Variants in WWOX observed in about 807,000 individuals in gnomAD.
The protein encoded by WWOX is WW domain-containing oxidoreductase.
In WWOX, 69 loss-of-function variants were observed where a neutral mutation model predicts 46.2. That is an observed-to-expected ratio of 1.49 (90% CI 1.23 to 1.82). The LOEUF (loss-of-function observed/expected upper bound fraction) is 1.82. Among genes scored for constraint, WWOX ranks in the 40% most tolerant of loss-of-function variants. The probability of loss-of-function intolerance (pLI) is 0.00; values close to 1 mark genes in which losing one functional copy is unlikely to be tolerated. For missense variants in WWOX, 919 were observed against 542.6 expected, an observed-to-expected ratio of 1.69 and a Z score of -6.89; for synonymous variants, 359 against 202.6, an observed-to-expected ratio of 1.77 and a Z score of -6.56.
rs147139039 is a variant in WWOX at position 78,299,274 on chromosome 16, G to T, written c.517-87586G>T. Among the ~76,000 whole-genome samples, 417 of 152,216 alleles carry T rather than the reference G, an allele frequency of 2.7e-3. 5 individuals are homozygous for T. Among genetic ancestry groups the T allele is most frequent in the African/African-American group, 9.3e-3 (386 of 41,530 alleles). On this transcript the variant is annotated intron_variant, in intron 5 of 8. Transcript: ENST00000566780. Reference sequence around the variant, plus strand: ...GGCACCTTTTTATTCTCTAATCTCAGGAGTGAGTGCTTCCTCCTGCCGTGC... The same window carrying T: ...GGCACCTTTTTATTCTCTAATCTCATGAGTGAGTGCTTCCTCCTGCCGTGC...
chr16:78,995,149 C>G (rs1018131446), intron 8 of WWOX, among the ~76,000 whole-genome samples: 1 of 151,948 alleles, frequency 6.6e-6, no homozygotes. Flanking sequence ...TGTGACTTAG[C>G]TGGCTGGGAA....
chr16:78,969,471 G>A (rs972470669), intron 8 of WWOX, among the ~76,000 whole-genome samples: 17 of 151,916 alleles, frequency 1.1e-4, no homozygotes, highest in African/African-American at 2.2e-4. Context: ...GGGTTTCACC[G>A]TGTTGGCCAG....
chr16:78,714,984 G>A (rs530529847), intron 8 of WWOX, among the ~76,000 whole-genome samples: 9 of 152,212 alleles, frequency 5.9e-5, no homozygotes, highest in African/African-American at 1.7e-4. Flanking sequence ...ATAACTGCTC[G>A]GTAGAGAATG....
chr16:78,254,958 G>A (rs2038088408), intron 5 of WWOX, among the ~76,000 whole-genome samples: 1 of 152,178 alleles, frequency 6.6e-6, no homozygotes, highest in African/African-American at 2.4e-5. Flanking sequence ...CTGGTATGGA[G>A]GGCTGGGAGG....
intron 8 of WWOX, among the ~76,000 whole-genome samples, chr16:78,441,984 G>T (rs1031946349): frequency 1.3e-5 from 2 of 151,446 alleles, no homozygotes; most frequent in Admixed American, 1.3e-4. Context: ...GTGTGTGTGT[G>T]TGTGTGGCTG....
chr16:78,758,021 G>A (rs949600653), intron 8 of WWOX, among the ~76,000 whole-genome samples: 1 of 151,984 alleles, frequency 6.6e-6, no homozygotes, highest in African/African-American at 2.4e-5. Flanking sequence ...TCAAACTTCT[G>A]TCAATCTTTC....
At chr16:78,395,946 G>T (rs1371220414) in intron 6 of WWOX, among the ~76,000 whole-genome samples, 3 of 152,092 alleles carry the variant, frequency 2.0e-5, no homozygotes. Flanking sequence ...TGCCATAAAA[G>T]CAGCCTGCTC....
chr16:78,270,427 CT>C (rs1416520877), intron 5 of WWOX: 1 of 152,278 alleles, frequency 6.6e-6, no homozygotes, highest in East Asian at 1.9e-4. Context: ...GGCAGATTTG[CT>C]TGATAAAGGT....
intron 8 of WWOX, among the ~76,000 whole-genome samples, chr16:78,572,981 C>T (rs1240855459): frequency 6.6e-6 from 1 of 152,070 alleles, no homozygotes; most frequent in Admixed American, 6.5e-5. Context: ...AATCTGCTTC[C>T]TGTAGTAAAA....
At chr16:78,337,355 G>T (rs1055963120) in intron 5 of WWOX, among the ~76,000 whole-genome samples, 9 of 152,130 alleles carry the variant, frequency 5.9e-5, no homozygotes, top group Admixed American at 5.2e-4. Flanking sequence ...CCCACCGATC[G>T]CAATTGAGCA....
chr16:78,615,077 G>C (rs2045988942), intron 8 of WWOX, among the ~76,000 whole-genome samples: 1 of 152,062 alleles, frequency 6.6e-6, no homozygotes, highest in Non-Finnish European at 1.5e-5. Context: ...CCTGAGTCTG[G>C]GGACACTCTA....
At chr16:78,730,796 C>T (rs938566230) in intron 8 of WWOX, among the ~76,000 whole-genome samples, 1 of 151,920 alleles carries the variant, frequency 6.6e-6, no homozygotes, top group African/African-American at 2.4e-5. Flanking sequence ...AAAAGTGACA[C>T]AGTTTTCTCT....
At chr16:78,802,047 C>G (rs982758860) in intron 8 of WWOX, among the ~76,000 whole-genome samples, 2 of 152,052 alleles carry the variant, frequency 1.3e-5, no homozygotes, top group Non-Finnish European at 2.9e-5. Flanking sequence ...CTTCTCCTGG[C>G]TCTGCTGGTT....
chr16:79,114,878 G>A (rs1359641964), intron 8 of WWOX, among the ~76,000 whole-genome samples: 1 of 152,222 alleles, frequency 6.6e-6, no homozygotes, highest in Non-Finnish European at 1.5e-5. Flanking sequence ...AGATGTTGTT[G>A]TTCATGTTTC....
intron 5 of WWOX, among the ~76,000 whole-genome samples, chr16:78,282,750 C>T (rs1225338874): frequency 7.3e-5 from 11 of 151,712 alleles, no homozygotes; most frequent in African/African-American, 9.7e-5. Context: ...TGGTGGTGTT[C>T]GCCTGTAGTC....
At chr16:78,993,512 G>C (rs1265669444) in intron 8 of WWOX, among the ~76,000 whole-genome samples, 4 of 152,168 alleles carry the variant, frequency 2.6e-5, no homozygotes, top group Admixed American at 1.3e-4. Context: ...CAGCACGCAG[G>C]AGCCTCAGTC....
At chr16:78,833,866 C>G (rs1400074644) in intron 8 of WWOX, among the ~76,000 whole-genome samples, 1 of 152,264 alleles carries the variant, frequency 6.6e-6, no homozygotes, top group Admixed American at 6.5e-5. Flanking sequence ...GCGTTTCATG[C>G]CTTCTCTATG....
chr16:78,518,872 C>T (rs555606105), intron 8 of WWOX, among the ~76,000 whole-genome samples: 5 of 152,264 alleles, frequency 3.3e-5, no homozygotes, highest in Admixed American at 1.3e-4. Context: ...CCTTAACCTG[C>T]GACATCCACA....
chr16:78,495,160 G>A (rs868825450), intron 8 of WWOX, among the ~76,000 whole-genome samples: 1 of 18,910 alleles, frequency 5.3e-5, no homozygotes, highest in Admixed American at 7.7e-4. Flanking sequence ...TTTTTTTTTT[G>A]AGATAGACTC....
Sources: gnomAD v4.1 joint callset for allele counts (sites outside exome capture counted in the v4.1 genomes callset) on GRCh38, gnomAD v4.1.1 for gene constraint, MANE v1.5 for transcripts, NCBI Gene and HGNC (gene_info 2026-07-23, HGNC 2026-07-21) for gene names.